The following AJAP1 variants were observed in gnomAD, a reference collection of about 807,000 sequenced individuals.
AJAP1 encodes the protein adherens junctions associated protein 1, also known as adherens junction-associated protein 1.
Under a neutral mutation model 35.0 loss-of-function variants are expected in AJAP1, and 5 were observed. The observed-to-expected ratio is 0.14, with a 90% confidence interval of 0.07 to 0.30. The LOEUF (loss-of-function observed/expected upper bound fraction) is 0.30, where lower values mean the gene tolerates loss of function less well. AJAP1 is among the 10% of genes least tolerant of loss of function. The pLI, the probability that AJAP1 is intolerant of heterozygous loss-of-function variation, is 1.00. For synonymous variants in AJAP1, 284 were observed against 249.3 expected (o/e 1.14, Z -1.31); for missense variants, 586 against 571.0 (o/e 1.03, Z -0.27).
intron 5 of AJAP1, among the ~76,000 whole-genome samples, chr1:4,776,014 T>C (rs1459213469): frequency 6.6e-6 from 1 of 152,214 alleles, no homozygotes; most frequent in African/African-American, 2.4e-5. Flanking sequence ...ATCTCTGTTA[T>C]GATTTTTAAA....
intron 2 of AJAP1, among the ~76,000 whole-genome samples, chr1:4,753,366 A>G (rs562092566): frequency 6.8e-6 from 1 of 147,566 alleles, no homozygotes; most frequent in East Asian, 1.9e-4. Context: ...CCCAAAAAGG[A>G]CGTGAAAATT....
chr1:4,739,463 C>T (rs899250250), intron 2 of AJAP1, among the ~76,000 whole-genome samples: 7 of 152,202 alleles, frequency 4.6e-5, no homozygotes, highest in African/African-American at 1.7e-4. Flanking sequence ...TCCAGGTCTC[C>T]TTGCCACCTT....
chr1:4,733,577 C>G (rs1400359977), intron 2 of AJAP1, among the ~76,000 whole-genome samples: 1 of 151,282 alleles, frequency 6.6e-6, no homozygotes, highest in African/African-American at 2.4e-5. Context: ...ATTGCACAGC[C>G]GTCTTCCTGT....
intron 5 of AJAP1, among the ~76,000 whole-genome samples, chr1:4,780,178 C>T (rs1244110174): frequency 1.3e-5 from 2 of 150,320 alleles, no homozygotes; most frequent in Non-Finnish European, 3.0e-5. Flanking sequence ...ACCATTTATG[C>T]GTGTCTAGTT....
chr1:4,743,424 AG>A (rs1641115862), intron 2 of AJAP1, among the ~76,000 whole-genome samples: 1 of 152,196 alleles, frequency 6.6e-6, no homozygotes, highest in Non-Finnish European at 1.5e-5. Flanking sequence ...GAAGGGGCTT[AG>A]GATGGGTGGA....
chr1:4,729,908 C>G (rs1046937168), intron 2 of AJAP1, among the ~76,000 whole-genome samples: 2 of 152,204 alleles, frequency 1.3e-5, no homozygotes, highest in Non-Finnish European at 2.9e-5. Context: ...GTGTCATTCT[C>G]AGGCACTTGC....
intron 2 of AJAP1, among the ~76,000 whole-genome samples, chr1:4,752,170 G>A (rs1049584328): frequency 6.6e-6 from 1 of 151,340 alleles, no homozygotes; most frequent in East Asian, 1.9e-4. Flanking sequence ...AGGGAGGAGA[G>A]GAGGAGGAGG....
intron 2 of AJAP1, among the ~76,000 whole-genome samples, chr1:4,767,158 T>G (rs1262411957): frequency 6.6e-6 from 1 of 152,216 alleles, no homozygotes; most frequent in African/African-American, 2.4e-5. Context: ...GTTTCTGATT[T>G]TTTACCCCTT....
chr1:4,713,853 C>G (rs1640326417), intron 2 of AJAP1, among the ~76,000 whole-genome samples: 1 of 152,246 alleles, frequency 6.6e-6, no homozygotes, highest in Non-Finnish European at 1.5e-5. Context: ...AGCTTGTGGG[C>G]TCGGTAGGCC....
intron 2 of AJAP1, among the ~76,000 whole-genome samples, chr1:4,718,633 C>T (rs1043644377): frequency 6.6e-6 from 1 of 152,154 alleles, no homozygotes. Context: ...TAGGCACGTG[C>T]CACTAAGCTC....
At chr1:4,769,622 A>AGAGCTGGAGCTCCCCC (rs545720145) in intron 2 of AJAP1, among the ~76,000 whole-genome samples, 216 of 152,308 alleles carry the variant, frequency 1.4e-3, no homozygotes, top group African/African-American at 5.1e-3. Context: ...GAGAGAGCCC[A>AGAGCTGGAGCTCCCCC]GAGCTGGAGC....
chr1:4,737,554 C>T (rs1640958265), intron 2 of AJAP1, among the ~76,000 whole-genome samples: 1 of 151,792 alleles, frequency 6.6e-6, no homozygotes, highest in South Asian at 2.1e-4. Context: ...TAGGCAGGGC[C>T]AGGGTGCCCA....
intron 5 of AJAP1, among the ~76,000 whole-genome samples, chr1:4,778,608 TCTC>T (rs1557651945): frequency 1.1e-4 from 14 of 132,824 alleles, no homozygotes; most frequent in African/African-American, 3.8e-4. Context: ...TCTCTCTCTC[TCTC>T]TCTTCTCTCT....
At chr1:4,747,844 C>T (rs571919998) in intron 2 of AJAP1, among the ~76,000 whole-genome samples, 129 of 151,954 alleles carry the variant, frequency 8.5e-4, no homozygotes, top group African/African-American at 2.8e-3. Flanking sequence ...AAAAATGTGC[C>T]GGGCGTGGTG....
intron 1 of AJAP1, among the ~76,000 whole-genome samples, chr1:4,694,126 G>A (rs556152493): frequency 2.6e-5 from 4 of 152,198 alleles, no homozygotes; most frequent in Non-Finnish European, 4.4e-5. Context: ...TGGGAGGGGC[G>A]GGGTGAGCCT....
intron 2 of AJAP1, among the ~76,000 whole-genome samples, chr1:4,768,857 TGTA>T: frequency 6.6e-6 from 1 of 152,234 alleles, no homozygotes; most frequent in Non-Finnish European, 1.5e-5. Context: ...GTGACAGATG[TGTA>T]GTCAGGAGAG....
chr1:4,753,155 T>A (rs1641357674), intron 2 of AJAP1, among the ~76,000 whole-genome samples: 1 of 152,238 alleles, frequency 6.6e-6, no homozygotes, highest in African/African-American at 2.4e-5. Flanking sequence ...ATTTTCACAG[T>A]TCTTTTCAGC....
chr1:4,752,339 G>C (rs978262842), intron 2 of AJAP1, among the ~76,000 whole-genome samples: 1 of 152,224 alleles, frequency 6.6e-6, no homozygotes, highest in Admixed American at 6.5e-5. Flanking sequence ...GTAGACAAGA[G>C]AATGCAGAAG....
At chr1:4,764,031 A>G (rs1641628835) in intron 2 of AJAP1, among the ~76,000 whole-genome samples, 1 of 147,328 alleles carries the variant, frequency 6.8e-6, no homozygotes, top group Admixed American at 6.7e-5. Context: ...GAGCTGGGAC[A>G]TCCATCTTCT....
Sources: gnomAD v4.1 joint callset for allele counts (sites outside exome capture counted in the v4.1 genomes callset) on GRCh38, gnomAD v4.1.1 for gene constraint, MANE v1.5 for transcripts, NCBI Gene and HGNC (gene_info 2026-07-23, HGNC 2026-07-21) for gene names.